ATP9A: variants seen among roughly 807,000 people sequenced by gnomAD.
ATP9A encodes probable phospholipid-transporting ATPase IIA.
ATP9A carries 52 observed loss-of-function variants against 144.1 expected under a neutral mutation model. That is an observed-to-expected ratio of 0.36 (90% confidence interval 0.29 to 0.45). The LOEUF (loss-of-function observed/expected upper bound fraction) is 0.45, where lower values mean the gene tolerates loss of function less well. Among genes scored for constraint, ATP9A ranks in the 20% least tolerant of loss-of-function variants. The probability of loss-of-function intolerance (pLI) is 1.00; values close to 1 mark genes in which losing one functional copy is unlikely to be tolerated. For synonymous variants in ATP9A, 582 were observed against 557.4 expected, an observed-to-expected ratio of 1.04 and a Z score of -0.62; for missense variants, 947 against 1,392.7, an observed-to-expected ratio of 0.68 and a Z score of 5.09.
At chr20:51,616,684 A>G (rs1160760879) in intron 22 of ATP9A, among the ~76,000 whole-genome samples, 9 of 152,314 alleles carry the variant, frequency 5.9e-5, no homozygotes, top group African/African-American at 2.2e-4. Context: ...AGAGGTCACA[A>G]ATTAGGGCCG....
intron 1 of ATP9A, among the ~76,000 whole-genome samples, chr20:51,731,176 C>T (rs1318192010): frequency 5.3e-5 from 8 of 151,594 alleles, no homozygotes; most frequent in African/African-American, 9.7e-5. Flanking sequence ...TGGTGGCAGG[C>T]GCCTATAATC....
intron 15 of ATP9A, among the ~76,000 whole-genome samples, chr20:51,637,306 TAAAAA>T (rs3029335): frequency 8.9e-5 from 8 of 89,942 alleles, no homozygotes; most frequent in South Asian, 5.6e-4. Context: ...TCCCTAACAT[TAAAAA>T]AAAAAAAAAA....
intron 14 of ATP9A, among the ~76,000 whole-genome samples, chr20:51,656,674 A>T (rs147305283): frequency 5.3e-5 from 8 of 152,226 alleles, no homozygotes; most frequent in Non-Finnish European, 1.2e-4. Context: ...TTTAAATGGG[A>T]CCTTGTGCCC....
intron 3 of ATP9A, among the ~76,000 whole-genome samples, chr20:51,714,334 G>A (rs1229694935): frequency 1.3e-5 from 2 of 151,752 alleles, no homozygotes; most frequent in East Asian, 1.9e-4. Context: ...AGGTGTGTGC[G>A]CCACCATGCC....
intron 14 of ATP9A, among the ~76,000 whole-genome samples, chr20:51,646,890 G>A (rs6021344): frequency 0.27 from 41,040 of 151,836 alleles, 5,864 homozygotes; most frequent in African/African-American, 0.31. Flanking sequence ...GCTGAAGTGG[G>A]CGGATCACCT....
rs182379110 is a variant in ATP9A at position 51,667,445 on chromosome 20, A to G, written c.1293+2552T>C. ...TGGGTGCTGATATGCATGACAATCC[A>G]ATCAATGAGCCCCCCAAGAAGGAGC... On this transcript the variant is annotated intron_variant, in intron 13 of 27. Coordinates refer to ENST00000338821, the MANE Select transcript of ATP9A (RefSeq NM_006045.3). 9.4e-4 allele frequency among the ~76,000 whole-genome samples: 143 copies of G among 152,256 alleles called. 1 individual carries two copies. Among genetic ancestry groups the G allele is most frequent in the Non-Finnish European group, 1.3e-4 (9 of 68,030 alleles).
At chr20:51,628,493 T>C (rs2077258631) in intron 16 of ATP9A, among the ~76,000 whole-genome samples, 1 of 152,240 alleles carries the variant, frequency 6.6e-6, no homozygotes, top group Non-Finnish European at 1.5e-5. Flanking sequence ...GACTTCCATC[T>C]TGTTTGCCCT....
At chr20:51,629,387 G>T (rs976187310) in intron 15 of ATP9A, among the ~76,000 whole-genome samples, 1 of 152,182 alleles carries the variant, frequency 6.6e-6, no homozygotes, top group South Asian at 2.1e-4. Flanking sequence ...ATTTACACTT[G>T]GGACTGCAGA....
At chr20:51,651,520 C>A (rs754102911) in intron 14 of ATP9A, among the ~76,000 whole-genome samples, 43 of 151,052 alleles carry the variant, frequency 2.8e-4, no homozygotes, top group Non-Finnish European at 5.4e-4. Context: ...TATACCAGAA[C>A]ATAAACAGTA....
chr20:51,719,464 G>A (rs897342865), intron 3 of ATP9A, among the ~76,000 whole-genome samples: 3 of 152,208 alleles, frequency 2.0e-5, no homozygotes, highest in African/African-American at 7.2e-5. Context: ...GCCAGGCGCA[G>A]TGGCTCACGC....
intron 1 of ATP9A, among the ~76,000 whole-genome samples, chr20:51,757,350 G>C (rs1446573030): frequency 6.6e-6 from 1 of 152,134 alleles, no homozygotes. Flanking sequence ...ACTGCAAACT[G>C]CCCGTGGCAC....
chr20:51,636,557 T>C (rs1334769262), intron 15 of ATP9A, among the ~76,000 whole-genome samples: 1 of 148,898 alleles, frequency 6.7e-6, no homozygotes, highest in Non-Finnish European at 1.5e-5. Flanking sequence ...AACCCCCAAG[T>C]CCTGGCGTAG....
intron 9 of ATP9A, 51 bp from the exon 10 acceptor site, chr20:51,676,259 C>T: frequency 7.1e-7 from 1 of 1,412,058 alleles, no homozygotes; most frequent in South Asian, 1.3e-5. Flanking sequence ...TTAATACAGA[C>T]AGGCAGGCTT....
chr20:51,763,407 G>C (rs567069816), intron 1 of ATP9A, among the ~76,000 whole-genome samples: 1 of 151,568 alleles, frequency 6.6e-6, no homozygotes, highest in South Asian at 2.1e-4. Context: ...CTGCCTCCTG[G>C]GTTCACGCCA....
intron 22 of ATP9A, 71 bp from the exon 23 acceptor site, chr20:51,613,903 A>G (rs1163455815): frequency 1.4e-6 from 2 of 1,451,446 alleles, no homozygotes; most frequent in Non-Finnish European, 1.8e-6. Flanking sequence ...CTTTCACTGA[A>G]AAAGCAAGAC....
At chr20:51,760,556 G>A (rs1322208067) in intron 1 of ATP9A, among the ~76,000 whole-genome samples, 8 of 151,806 alleles carry the variant, frequency 5.3e-5, no homozygotes, top group Non-Finnish European at 2.9e-5. Flanking sequence ...GCGAAACCCC[G>A]TCTCTACTAA....
At chr20:51,665,725 A>G (rs74352666) in intron 13 of ATP9A, among the ~76,000 whole-genome samples, 4 of 36,588 alleles carry the variant, frequency 1.1e-4, no homozygotes, top group Non-Finnish European at 1.3e-4. Context: ...ACTTCGTCTC[A>G]AAAAAAAAAA....
At chr20:51,729,453 A>G (rs1208656214) in intron 2 of ATP9A, among the ~76,000 whole-genome samples, 1 of 151,408 alleles carries the variant, frequency 6.6e-6, no homozygotes, top group Non-Finnish European at 1.5e-5. Context: ...TCAGTCTTTT[A>G]AGACTGTACC....
chr20:51,714,021 C>A (rs2077651241), intron 3 of ATP9A, among the ~76,000 whole-genome samples: 2 of 151,988 alleles, frequency 1.3e-5, no homozygotes, highest in Admixed American at 1.3e-4. Context: ...ATTCTCCTGT[C>A]TCAGCCTCTC....
Sources: gnomAD v4.1 joint callset for allele counts (sites outside exome capture counted in the v4.1 genomes callset) on GRCh38, gnomAD v4.1.1 for gene constraint, MANE v1.5 for transcripts, NCBI Gene and HGNC (gene_info 2026-07-23, HGNC 2026-07-21) for gene names.